The following PRUNE2 variants were observed in gnomAD, a reference collection of about 807,000 sequenced individuals.
PRUNE2 encodes protein prune homolog 2.
PRUNE2 carries 164 observed loss-of-function variants against 252.0 expected under a neutral mutation model. The ratio of observed to expected loss-of-function variants is 0.65; its 90% CI spans 0.57 to 0.74. The LOEUF (loss-of-function observed/expected upper bound fraction) is 0.74, where lower values mean the gene tolerates loss of function less well. PRUNE2 is among the 30% of genes least tolerant of loss of function. The probability of loss-of-function intolerance (pLI) is 0.00; values close to 1 mark genes in which losing one functional copy is unlikely to be tolerated. For missense variants in PRUNE2, 3,495 were observed against 3,711.0 expected, an observed-to-expected ratio of 0.94 and a Z score of 1.51; for synonymous variants, 1,292 against 1,350.2, an observed-to-expected ratio of 0.96 and a Z score of 0.94.
Position 76,805,413 on chromosome 9 carries a change from G to C in PRUNE2, c.756+18219C>G, listed in dbSNP as rs114922594. Among the ~76,000 whole-genome samples the C allele has an allele frequency of 1.7e-3, 253 of 152,232 alleles. 1 individual carries two copies. In the Middle Eastern group the frequency reaches 0.017, roughly 10 times the overall value. On this transcript the variant is annotated intron_variant, in intron 6 of 18. Coordinates refer to ENST00000376718, the MANE Select transcript of PRUNE2 (RefSeq NM_015225.3). ...AAGTGGGAGGATCACTTGAGGTCAG[G>C]AGTTCAACAGCAGCGTGGGCAACAT...
chr9:76,652,696 G>C lies in PRUNE2; in HGVS notation c.8357-13C>G, dbSNP rs776059502. On this transcript the variant is annotated splice_polypyrimidine_tract_variant and intron_variant, in intron 10 of 18. Transcript: ENST00000376718. The stretch of plus-strand genomic sequence containing the variant: ...GAATTAGGAGGTTCTAAAGAAGAAA[G>C]AGAACAGCAACATCAAGTATTAAAC... 1.1e-4 allele frequency: 168 copies of C among 1,564,028 alleles called. No individual in the cohort carries two copies. Among genetic ancestry groups the C allele is most frequent in the Non-Finnish European group, 1.4e-4 (158 of 1,135,500 alleles).
chr9:76,731,324 A>ATATATATTT (rs1332074252), intron 6 of PRUNE2, among the ~76,000 whole-genome samples: 42 of 106,796 alleles, frequency 3.9e-4, no homozygotes, highest in African/African-American at 1.4e-3. Context: ...ATATATATAT[A>ATATATATTT]TTTTTTTTTT....
intron 1 of PRUNE2, among the ~76,000 whole-genome samples, chr9:76,865,957 T>C (rs2060818591): frequency 6.6e-6 from 1 of 152,184 alleles, no homozygotes; most frequent in South Asian, 2.1e-4. Flanking sequence ...AGTCATCACA[T>C]ATTTTCCTCT....
chr9:76,808,781 G>C, intron 6 of PRUNE2: 1 of 153,106 alleles, frequency 6.5e-6, no homozygotes, highest in Non-Finnish European at 1.5e-5. Context: ...AGGCATCCCA[G>C]TCTCTGTTGT....
chr9:76,710,354 G>C lies in PRUNE2; in HGVS notation c.1920C>G (p.Asp640Glu), dbSNP rs1327919998. 6.2e-7 allele frequency: 1 copy of C among 1,614,040 alleles called. No homozygotes were observed. Among genetic ancestry groups the C allele is most frequent in the Non-Finnish European group, 8.5e-7 (1 of 1,179,896 alleles). The change falls in exon 8 of 19, where the codon GAC becomes GAG. Residue 640 changes from aspartate (D) to glutamate (E), a missense_variant. By Grantham distance (45) the Asp-to-Glu change is conservative. Coordinates refer to ENST00000376718, the MANE Select transcript of PRUNE2 (RefSeq NM_015225.3). ...YTEDMTQKAT[D>E]TGHMGPPQTH... ...TCTGAGGTGGCCCCATGTGACCTGT[G>C]TCAGTTGCTTTTTGGGTCATATCTT...
chr9:76,859,683 GTGCTTGTT>G (rs2132761408), intron 1 of PRUNE2, among the ~76,000 whole-genome samples: 1 of 140,846 alleles, frequency 7.1e-6, no homozygotes, highest in African/African-American at 2.8e-5. Context: ...AGAGGCTAGG[GTGCTTGTT>G]TGTTTGTTTG....
At chr9:76,642,972 C>A (rs780800930) in intron 12 of PRUNE2, among the ~76,000 whole-genome samples, 4 of 152,130 alleles carry the variant, frequency 2.6e-5, no homozygotes, top group Non-Finnish European at 1.5e-5. Context: ...AAAAACTGAG[C>A]TTGCGACACA....
chr9:76,803,840 C>T (rs896279367), intron 6 of PRUNE2, among the ~76,000 whole-genome samples: 1 of 152,178 alleles, frequency 6.6e-6, no homozygotes, highest in Non-Finnish European at 1.5e-5. Flanking sequence ...ACTGTCTGTT[C>T]TTCGCAGGTG....
intron 6 of PRUNE2, among the ~76,000 whole-genome samples, chr9:76,815,346 ATAGACATTTATTTCTTATAGTTC>A (rs752254140): frequency 4.6e-5 from 7 of 152,226 alleles, no homozygotes; most frequent in Non-Finnish European, 7.3e-5. Flanking sequence ...TGTATAAGTA[ATAGACATTTATTTCTTATAGTTC>A]TAGAGGCTGG....
chr9:76,892,063 G>GCC (rs10664396), intron 1 of PRUNE2, among the ~76,000 whole-genome samples: 63,062 of 151,664 alleles, frequency 0.42, 13,266 homozygotes, highest in Middle Eastern at 0.49. Context: ...AGAGAAAGTA[G>GCC]CCCCCCCAGC....
chr9:76,640,424 T>C (rs1842069183), intron 12 of PRUNE2, among the ~76,000 whole-genome samples: 1 of 152,358 alleles, frequency 6.6e-6, no homozygotes, highest in South Asian at 2.1e-4. Context: ...GGTAGTTGTA[T>C]ACAGTATTTA....
Position 76,637,431 on chromosome 9 carries a change from T to A in PRUNE2, c.8950A>T (p.Met2984Leu). The A allele has an allele frequency of 6.2e-7, 1 of 1,613,684 alleles. No individual in the cohort carries two copies. The highest frequency in any genetic ancestry group is 8.5e-7 in the Non-Finnish European group (1 of 1,179,768). Residue 2984 changes from methionine to leucine, a missense_variant, in exon 14 of 19, where the codon ATG becomes TTG. Transcript: ENST00000376718. ...GAGCCCACATACCGTCTGTCAATCA[T>A]CTGGTAGCATTTCTTCATCCAGCCT... ...GLGWMKKCYQ[M>L]IDRRLRKNLK... is the part of the protein sequence containing the mutation.
At chr9:76,735,424 T>C (rs866654711) in intron 6 of PRUNE2, among the ~76,000 whole-genome samples, 3 of 139,804 alleles carry the variant, frequency 2.1e-5, no homozygotes, top group South Asian at 2.1e-4. Context: ...TTCTTCTTTT[T>C]TTTTTTTTTT....
At chr9:76,872,597 G>GAA (rs1005629765) in intron 1 of PRUNE2, among the ~76,000 whole-genome samples, 1 of 102,258 alleles carries the variant, frequency 9.8e-6, no homozygotes, top group South Asian at 3.2e-4. Context: ...GATGATTATG[G>GAA]AAAACACACA....
Position 76,713,729 on chromosome 9 carries a change from G to T in PRUNE2, c.757-8C>A. 1.9e-6 allele frequency: 3 copies of T among 1,580,222 alleles called. No homozygotes were observed. The highest frequency in any genetic ancestry group is 2.6e-6 in the Non-Finnish European group (3 of 1,162,044). ...GCTGTGAAATAGACAATTCTGAAAC[G>T]ACAACAGGAAATTTGATATTAATGT... On this transcript the variant is annotated splice_polypyrimidine_tract_variant and splice_region_variant and intron_variant, in intron 6 of 18. Coordinates refer to ENST00000376718, the MANE Select transcript of PRUNE2 (RefSeq NM_015225.3).
chr9:76,703,608 C>T lies in PRUNE2; in HGVS notation c.8005G>A (p.Gly2669Ser). 1.9e-6 allele frequency: 3 copies of T among 1,613,096 alleles called. No individual in the cohort carries two copies. The highest frequency in any genetic ancestry group is 2.5e-6 in the Non-Finnish European group (3 of 1,179,888). Reference sequence around the variant, plus strand: ...AGAATCTGCAGCTGGGGACCCTCACCCAAGCCGAGTTCAGAGAACGGCTCC... The same window carrying T: ...AGAATCTGCAGCTGGGGACCCTCACTCAAGCCGAGTTCAGAGAACGGCTCC... The part of the protein sequence containing the change: ...TVEPFSELGL[G>S]EGPQLQILEE... Residue 2669 changes from glycine (G) to serine (S), a missense_variant, in exon 9 of 19, where the codon GGT becomes AGT. By Grantham distance (56) the Gly-to-Ser change is moderately conservative (BLOSUM62 0). Transcript: ENST00000376718.
At chr9:76,823,498 T>C (rs1447337585) in intron 6 of PRUNE2, 134 bp downstream of exon 6, 1 of 657,596 alleles carries the variant, frequency 1.5e-6, no homozygotes, top group African/African-American at 1.8e-5. Flanking sequence ...CCTGCCACTA[T>C]ATTCCAAGTC....
At position 76,831,417 on chromosome 9, in the gene PRUNE2, T is replaced by A. The variant is rs543378230; in HGVS notation, c.509-4685A>T. On this transcript the variant is annotated intron_variant, in intron 4 of 18. Coordinates refer to ENST00000376718, the MANE Select transcript of PRUNE2 (RefSeq NM_015225.3). ...ATGTAAATATGTGGGTAAGAATAAA[T>A]TCAATATTCACTGTATAAAACAATT... Among the ~76,000 whole-genome samples the A allele has an allele frequency of 5.9e-5, 9 of 152,242 alleles. No individual in the cohort carries two copies. In the East Asian group the frequency reaches 1.2e-3, roughly 20 times the overall value.
intron 3 of PRUNE2, among the ~76,000 whole-genome samples, chr9:76,849,537 A>T (rs1420673165): frequency 6.6e-6 from 1 of 152,128 alleles, no homozygotes; most frequent in Non-Finnish European, 1.5e-5. Context: ...CAAAAACTAT[A>T]ATTTTAGGCC....
Sources: allele counts gnomAD v4.1 joint callset (sites outside exome capture counted in the v4.1 genomes callset), GRCh38; gene constraint gnomAD v4.1.1; transcripts MANE v1.5; gene names NCBI Gene and HGNC (gene_info 2026-07-23, HGNC 2026-07-21).